The following SPTBN1 variants were observed in gnomAD, a reference collection of about 807,000 sequenced individuals.
SPTBN1 encodes the protein spectrin beta chain, non-erythrocytic 1.
In SPTBN1, 32 loss-of-function variants were observed where a neutral mutation model predicts 266.4. That is an observed-to-expected ratio of 0.12 (90% CI 0.09 to 0.16). The LOEUF is 0.16. SPTBN1 is among the 10% of genes least tolerant of loss of function. SPTBN1 has a pLI of 1.00. For missense variants in SPTBN1, 2,296 were observed against 3,067.1 expected (o/e 0.75, Z 5.94); for synonymous variants, 1,336 against 1,162.2 (o/e 1.15, Z -3.04).
chr2:54,495,329 G>C (rs1668910572), intron 1 of SPTBN1, among the ~76,000 whole-genome samples: 1 of 152,110 alleles, frequency 6.6e-6, no homozygotes, highest in South Asian at 2.1e-4. Context: ...GGAATCCCAG[G>C]TTCAGAGCTC....
chr2:54,645,949 C>A lies in SPTBN1; in HGVS notation c.4516C>A (p.Pro1506Thr). Residue 1506 changes from proline (P) to threonine (T), a missense_variant, in exon 22 of 36, where the codon CCT becomes ACT. Pro to Thr is a conservative substitution (Grantham distance 38). This residue lies in a region of SPTBN1 where 644 missense variants were observed against 745.3 expected (regional missense o/e 0.86). Coordinates refer to ENST00000356805, the MANE Select transcript of SPTBN1 (RefSeq NM_003128.3). This position sits in a 1 kb window ranked among gnomAD's most constrained non-coding sequence, Gnocchi z 4.3. The stretch of plus-strand genomic sequence containing the variant: ...CCAGTTGTGGGTTGGAGAGAGGATG[C>A]CTTTGGCAACTTCCACGGATCATGG... ...DEILWVGERMPLATSTDHGHN... is the reference protein window; with the variant it reads ...DEILWVGERMTLATSTDHGHN... The A allele has an allele frequency of 3.1e-6, 5 of 1,614,158 alleles. No homozygotes were observed. In the South Asian group the frequency reaches 3.3e-5, roughly 11 times the overall value.
chr2:54,629,265 G>A lies in SPTBN1; in HGVS notation c.2131G>A (p.Gly711Arg), dbSNP rs911891067. 5.6e-6 allele frequency: 9 copies of A among 1,613,918 alleles called. No homozygotes were observed. In the East Asian group the frequency reaches 1.1e-4, roughly 20 times the overall value. The change falls in exon 14 of 36, where the codon GGG becomes AGG. Residue 711 changes from glycine to arginine, a missense_variant. Gly to Arg is a moderately radical substitution (Grantham distance 125). This residue lies in a region of SPTBN1 where 434 missense variants were observed against 573.9 expected (regional missense o/e 0.76). Transcript: ENST00000356805. ...GEDMIAEEHF[G>R]SEKIRERIIY... Reference sequence around the variant, plus strand: ...AGACATGATCGCGGAGGAGCACTTCGGGTCGGAGAAGATCCGTGAGAGGAT... The same window carrying A: ...AGACATGATCGCGGAGGAGCACTTCAGGTCGGAGAAGATCCGTGAGAGGAT...
At chr2:54,639,680 G>T (rs577549572) in intron 18 of SPTBN1, among the ~76,000 whole-genome samples, 1 of 152,230 alleles carries the variant, frequency 6.6e-6, no homozygotes, top group South Asian at 2.1e-4. Context: ...ACAGGAAATG[G>T]TCAGTCTTAA....
At chr2:54,468,165 GGT>G (rs1693733461) in intron 1 of SPTBN1, among the ~76,000 whole-genome samples, 2 of 152,008 alleles carry the variant, frequency 1.3e-5, no homozygotes, top group African/African-American at 4.8e-5. Context: ...AAATTGGCTG[GGT>G]GTGGTGGTGG....
Position 54,457,714 on chromosome 2 carries a change from C to T in SPTBN1, c.-48+1196C>T, listed in dbSNP as rs114087064. On this transcript the variant is annotated intron_variant, in intron 1 of 35. Transcript: ENST00000356805. ...GCCCCCGCCCGGCCCCACCCAGGCC[C>T]GGGGCTGCCCTTGGCCGAGGCCTGG... Among the ~76,000 whole-genome samples the T allele has an allele frequency of 2.1e-3, 316 of 152,320 alleles. 5 individuals are homozygous for T. Among genetic ancestry groups the T allele is most frequent in the African/African-American group, 7.2e-3 (300 of 41,578 alleles).
At position 54,669,491 on chromosome 2, in the gene SPTBN1, A is replaced by G. The variant is rs1681606135; in HGVS notation, c.*922A>G. ...TGTGCATTTCTCTGTCACTGTAACTATTGTAATGACAAATTTTCATCTTAC... is the reference window on the plus strand; with the variant it reads ...TGTGCATTTCTCTGTCACTGTAACTGTTGTAATGACAAATTTTCATCTTAC... On this transcript the variant is annotated 3_prime_UTR_variant, in exon 36 of 36. Coordinates refer to ENST00000356805, the MANE Select transcript of SPTBN1 (RefSeq NM_003128.3). 6.6e-6 allele frequency: 1 copy of G among 152,648 alleles called. No individual in the cohort carries two copies. Among genetic ancestry groups the G allele is most frequent in the Non-Finnish European group, 1.5e-5 (1 of 68,038 alleles). The allele number at this position is 152,648 out of a possible 1,614,324, so 9.5% of individuals were successfully genotyped here. A position where few individuals can be genotyped will look rare whatever the true frequency, so the allele number is the denominator to read the frequency against.
intron 2 of SPTBN1, among the ~76,000 whole-genome samples, chr2:54,583,054 T>G (rs1675049216): frequency 6.6e-6 from 1 of 152,178 alleles, no homozygotes; most frequent in Non-Finnish European, 1.5e-5. Flanking sequence ...CTCCGTCATC[T>G]AGGACCATGC....
chr2:54,632,618 C>T lies in SPTBN1; in HGVS notation c.3617C>T (p.Ala1206Val). The change falls in exon 17 of 36, where the codon GCA (alanine) becomes GTA (valine). Residue 1206 changes from alanine (A) to valine (V), a missense_variant. Around this residue, in one of 12 missense-constraint regions of SPTBN1, gnomAD observed 386 missense variants for 486.1 expected, o/e 0.79. Transcript: ENST00000356805. ...EMPTTLEGAE[A>V]AIKKQEDFMT... is the part of the protein sequence containing the mutation. The stretch of plus-strand genomic sequence containing the variant: ...CCTACCACCTTGGAAGGAGCTGAAG[C>T]AGCAATTAAAAAGCAAGAGGACTTC... The T allele has an allele frequency of 6.2e-7, 1 of 1,614,170 alleles. No individual in the cohort carries two copies. The highest frequency in any genetic ancestry group is 1.7e-5 in the Admixed American group (1 of 60,024).
intron 1 of SPTBN1, among the ~76,000 whole-genome samples, chr2:54,479,412 CT>C (rs1667996160): frequency 2.0e-5 from 3 of 152,186 alleles, no homozygotes; most frequent in African/African-American, 7.2e-5. Flanking sequence ...TGGTTAGGTT[CT>C]GTTTCTTGGA....
chr2:54,599,282 G>T, intron 3 of SPTBN1, 39 bp downstream of exon 3: 1 of 1,598,684 alleles, frequency 6.3e-7, no homozygotes, highest in South Asian at 1.1e-5. Context: ...TGTTGTAGGT[G>T]GAAAATATTT....
At chr2:54,503,308 C>A (rs1033185798) in intron 1 of SPTBN1, among the ~76,000 whole-genome samples, 2 of 151,958 alleles carry the variant, frequency 1.3e-5, no homozygotes, top group African/African-American at 4.9e-5. Flanking sequence ...TGCTGCCTTC[C>A]TGTTCATGGA....
intron 4 of SPTBN1, among the ~76,000 whole-genome samples, chr2:54,615,256 T>A (rs1677521829): frequency 6.6e-6 from 1 of 152,216 alleles, no homozygotes; most frequent in African/African-American, 2.4e-5. Context: ...AAAAGAATTC[T>A]GGGAAGTGTT....
At position 54,649,252 on chromosome 2, in the gene SPTBN1, T is replaced by C; in HGVS notation, c.5202+62T>C. ...GTAAGCGATGGTGTGGAAGGCCATT[T>C]GCATTCCTTGTCTGTGAGCAGATAA... On this transcript the variant is annotated intron_variant, in intron 25 of 35. Transcript: ENST00000356805. The surrounding 1 kb of genome is among the most constrained non-coding windows in gnomAD (Gnocchi z 6.7). 6.7e-7 allele frequency: 1 copy of C among 1,500,064 alleles called. No individual in the cohort carries two copies. The highest frequency in any genetic ancestry group is 1.3e-5 in the South Asian group (1 of 78,096). The allele number at this position is 1,500,064 out of a possible 1,614,324, so 92.9% of individuals were successfully genotyped here.
intron 2 of SPTBN1, among the ~76,000 whole-genome samples, chr2:54,567,696 C>T (rs1025433007): frequency 6.6e-6 from 1 of 152,240 alleles, no homozygotes; most frequent in Middle Eastern, 3.4e-3. Flanking sequence ...CACCAGGCAG[C>T]CTCTCATCCA....
At chr2:54,625,557 G>C (rs1212902161) in intron 11 of SPTBN1, among the ~76,000 whole-genome samples, 1 of 151,402 alleles carries the variant, frequency 6.6e-6, no homozygotes, top group South Asian at 2.1e-4. Flanking sequence ...TTTTTTGGAG[G>C]GGGGGTGGCG....
At chr2:54,460,845 A>G (rs1374681492) in intron 1 of SPTBN1, among the ~76,000 whole-genome samples, 1 of 152,168 alleles carries the variant, frequency 6.6e-6, no homozygotes, top group East Asian at 1.9e-4. Context: ...TACTAAAAAT[A>G]CAAAAATTAT....
intron 2 of SPTBN1, among the ~76,000 whole-genome samples, chr2:54,575,485 A>C (rs567598218): frequency 3.3e-5 from 5 of 152,276 alleles, no homozygotes; most frequent in Non-Finnish European, 5.9e-5. Flanking sequence ...ATCTCGAAGG[A>C]CAAAACTGAC....
intron 1 of SPTBN1, among the ~76,000 whole-genome samples, chr2:54,479,172 G>A (rs1667985430): frequency 6.6e-6 from 1 of 152,182 alleles, no homozygotes; most frequent in East Asian, 1.9e-4. Context: ...AGTGAAGGCT[G>A]ACTGCAGAGT....
At chr2:54,463,767 A>G (rs1004116503) in intron 1 of SPTBN1, among the ~76,000 whole-genome samples, 2 of 152,252 alleles carry the variant, frequency 1.3e-5, no homozygotes, top group South Asian at 2.1e-4. Flanking sequence ...CTAGCAAATA[A>G]CAATCATTTA....
Sources: gnomAD v4.1 joint callset for allele counts (sites outside exome capture counted in the v4.1 genomes callset) on GRCh38, gnomAD v4.1.1 for gene constraint, gnomAD v4.1.1 regional missense constraint, Gnocchi (gnomAD v3.1) non-coding constraint, MANE v1.5 for transcripts, NCBI Gene and HGNC (gene_info 2026-07-23, HGNC 2026-07-21) for gene names.